The following PRKN variants were observed in gnomAD, a reference collection of about 807,000 sequenced individuals.
The protein encoded by PRKN is E3 ubiquitin-protein ligase parkin.
PRKN carries 56 observed loss-of-function variants against 59.5 expected under a neutral mutation model. The observed-to-expected ratio is 0.94, with a 90% confidence interval of 0.76 to 1.18. The LOEUF is 1.18. Among genes scored for constraint, PRKN ranks in the 50% most tolerant of loss-of-function variants. The probability of loss-of-function intolerance (pLI) is 0.00; values close to 1 mark genes in which losing one functional copy is unlikely to be tolerated. For synonymous variants in PRKN, 250 were observed against 222.1 expected (o/e 1.13, Z -1.12); for missense variants, 657 against 596.4 (o/e 1.10, Z -1.06).
Position 161,680,761 on chromosome 6 carries a change from ATATATATATATATATTTTT to A in PRKN, c.871+104992_871+105010del, listed in dbSNP as rs1282841579. On this transcript the variant is annotated intron_variant, in intron 7 of 11. Transcript: ENST00000366898. ...TATATATATATATATATATATATAT[ATATATATATATATATTTTT>A]TTTTTTTTTTCTTTTCCTAAAACAA... is the stretch of plus-strand genomic sequence containing the variant. Among the ~76,000 whole-genome samples the A allele has an allele frequency of 4.7e-3, 46 of 9,880 alleles. 2 individuals are homozygous for A. Among genetic ancestry groups the A allele is most frequent in the African/African-American group, 6.6e-3 (17 of 2,578 alleles). 6.5% of individuals were successfully genotyped at this position (9,880 alleles called of 152,430 possible).
Position 162,053,198 on chromosome 6 carries a change from G to A in PRKN, c.618+893C>T, listed in dbSNP as rs1479318887. Among the ~76,000 whole-genome samples, 7 of 152,092 alleles carry A rather than the reference G, an allele frequency of 4.6e-5. No homozygotes were observed. The East Asian group carries it at 9.7e-4, about 21-fold the overall frequency. On this transcript the variant is annotated intron_variant, in intron 5 of 11. Coordinates refer to ENST00000366898, the MANE Select transcript of PRKN (RefSeq NM_004562.3). ...CCCACTGCCATCCTGGTATCCTTCCGATCAGCCAGCAGATTGGCAAGAGAA... is the reference window on the plus strand; with the variant it reads ...CCCACTGCCATCCTGGTATCCTTCCAATCAGCCAGCAGATTGGCAAGAGAA...
intron 1 of PRKN, among the ~76,000 whole-genome samples, chr6:162,491,319 T>G (rs551263246): frequency 2.6e-5 from 4 of 151,048 alleles, no homozygotes; most frequent in African/African-American, 4.9e-5. Flanking sequence ...AGGGACCACT[T>G]TGTAGGGTGT....
chr6:162,158,922 C>G (rs1369785766), intron 4 of PRKN, among the ~76,000 whole-genome samples: 1 of 151,972 alleles, frequency 6.6e-6, no homozygotes, highest in East Asian at 1.9e-4. Flanking sequence ...CACATTACTC[C>G]CCTGTTCATG....
chr6:162,094,385 G>A (rs925021550), intron 4 of PRKN, among the ~76,000 whole-genome samples: 4 of 152,182 alleles, frequency 2.6e-5, no homozygotes, highest in African/African-American at 9.6e-5. Context: ...ATGGGAGGCT[G>A]AGGCAGGAGG....
intron 4 of PRKN, among the ~76,000 whole-genome samples, chr6:162,193,910 A>C (rs1784390480): frequency 1.3e-5 from 2 of 152,224 alleles, no homozygotes; most frequent in African/African-American, 4.8e-5. Flanking sequence ...TAGGAAGAGA[A>C]GAGGTGTTCA....
Position 161,429,445 on chromosome 6 carries a change from G to A in PRKN, c.1084-42568C>T, listed in dbSNP as rs1203103281. Among the ~76,000 whole-genome samples the A allele has an allele frequency of 2.6e-5, 4 of 152,142 alleles. No individual in the cohort carries two copies. The highest frequency in any genetic ancestry group is 7.2e-5 in the African/African-American group (3 of 41,416). On this transcript the variant is annotated intron_variant, in intron 9 of 11. Coordinates refer to ENST00000366898, the MANE Select transcript of PRKN (RefSeq NM_004562.3). The surrounding 1 kb of genome is among the most constrained non-coding windows in gnomAD (Gnocchi z 4.2). ...CTGGGGAGCCATGGTTAAGAGGGAC[G>A]GAGAAATAACACGAATGTGGTGAGG...
At chr6:161,604,575 C>CA (rs1481799985) in intron 7 of PRKN, among the ~76,000 whole-genome samples, 5 of 152,174 alleles carry the variant, frequency 3.3e-5, no homozygotes, top group Non-Finnish European at 5.9e-5. Flanking sequence ...AACTTCAGGC[C>CA]ACGGATTTGA....
intron 7 of PRKN, among the ~76,000 whole-genome samples, chr6:161,743,640 A>C (rs2128192161): frequency 6.6e-6 from 1 of 152,130 alleles, no homozygotes; most frequent in East Asian, 1.9e-4. Flanking sequence ...CACTTGCGTA[A>C]GTCCCTGCAA....
chr6:161,709,656 A>C (rs1172845564), intron 7 of PRKN, among the ~76,000 whole-genome samples: 1 of 152,224 alleles, frequency 6.6e-6, no homozygotes, highest in Non-Finnish European at 1.5e-5. Flanking sequence ...AAGAGCAGAG[A>C]CTGTTAAAAG....
chr6:161,492,019 A>C (rs1165340009), intron 9 of PRKN, among the ~76,000 whole-genome samples: 1 of 152,212 alleles, frequency 6.6e-6, no homozygotes, highest in Non-Finnish European at 1.5e-5. Context: ...TGGGAGAATT[A>C]AGTAAGGTAA....
chr6:162,602,590 A>G (rs1781755251), intron 1 of PRKN, among the ~76,000 whole-genome samples: 1 of 152,202 alleles, frequency 6.6e-6, no homozygotes, highest in Non-Finnish European at 1.5e-5. Context: ...GAACAAAAAG[A>G]CACAAAGACA....
rs557073756 is a variant in PRKN at position 161,581,610 on chromosome 6, G to A, written c.872-12194C>T. Reference sequence around the variant, plus strand: ...CTTACTTATGGACAAGGTGAAGGGCGTTGGGCCTATGTCATCAACAGTGAG... The same window carrying A: ...CTTACTTATGGACAAGGTGAAGGGCATTGGGCCTATGTCATCAACAGTGAG... On this transcript the variant is annotated intron_variant, in intron 7 of 11. Transcript: ENST00000366898. This position sits in a 1 kb window ranked among gnomAD's most constrained non-coding sequence, Gnocchi z 4.5. Among the ~76,000 whole-genome samples, 6 of 152,288 alleles carry A rather than the reference G, an allele frequency of 3.9e-5. No individual in the cohort carries two copies. The highest frequency in any genetic ancestry group is 2.1e-4 in the South Asian group (1 of 4,826).
chr6:161,751,109 A>C (rs1788673870), intron 7 of PRKN, among the ~76,000 whole-genome samples: 1 of 152,226 alleles, frequency 6.6e-6, no homozygotes, highest in South Asian at 2.1e-4. Flanking sequence ...ATGAGTAAAA[A>C]AAAGTTCAGT....
chr6:161,469,195 T>C (rs1562469155), intron 9 of PRKN, among the ~76,000 whole-genome samples: 1 of 152,202 alleles, frequency 6.6e-6, no homozygotes, highest in Non-Finnish European at 1.5e-5. Flanking sequence ...AAATGAATCA[T>C]GGGGGTGGTA....
chr6:162,266,682 C>T (rs890771132), intron 2 of PRKN, among the ~76,000 whole-genome samples: 1 of 152,112 alleles, frequency 6.6e-6, no homozygotes, highest in African/African-American at 2.4e-5. Context: ...TTCTTCCTTT[C>T]CCAGCTTTCT....
At chr6:162,590,068 A>G (rs1781239666) in intron 1 of PRKN, among the ~76,000 whole-genome samples, 1 of 152,004 alleles carries the variant, frequency 6.6e-6, no homozygotes, top group Non-Finnish European at 1.5e-5. Context: ...TTCACGTAAG[A>G]TGTGTGTGTG....
At chr6:161,987,449 G>A (rs1045253603) in intron 5 of PRKN, among the ~76,000 whole-genome samples, 1 of 152,156 alleles carries the variant, frequency 6.6e-6, no homozygotes, top group Non-Finnish European at 1.5e-5. Context: ...ACCCCCTGCA[G>A]ACAGCAAAAT....
chr6:161,350,570 A>T (rs996518479), intron 11 of PRKN, among the ~76,000 whole-genome samples: 7 of 139,844 alleles, frequency 5.0e-5, no homozygotes, highest in Non-Finnish European at 1.1e-4. Flanking sequence ...TAATATATTT[A>T]TATTTAAAAT....
chr6:161,720,766 A>ATT (rs5881428), intron 7 of PRKN, among the ~76,000 whole-genome samples: 1 of 132,186 alleles, frequency 7.6e-6, no homozygotes, highest in African/African-American at 3.9e-5. Flanking sequence ...TTTTAAAACT[A>ATT]TTTTTTTTTT....
Sources: gnomAD v4.1 joint callset for allele counts (sites outside exome capture counted in the v4.1 genomes callset) on GRCh38, gnomAD v4.1.1 for gene constraint, Gnocchi (gnomAD v3.1) non-coding constraint, MANE v1.5 for transcripts, NCBI Gene and HGNC (gene_info 2026-07-23, HGNC 2026-07-21) for gene names.